The following TSNARE1 variants were observed in gnomAD, a reference collection of about 807,000 sequenced individuals.
The protein encoded by TSNARE1 is t-SNARE domain containing 1, also known as t-SNARE domain-containing protein 1.
TSNARE1 carries 49 observed loss-of-function variants against 62.0 expected under a neutral mutation model. The ratio of observed to expected loss-of-function variants is 0.79; its 90% CI spans 0.63 to 1.00. The LOEUF is 1.00. Ranked by LOEUF, TSNARE1 falls within the 50% of genes least tolerant of loss-of-function variation. The pLI is 0.00. For synonymous variants in TSNARE1, 328 were observed against 294.4 expected (o/e 1.11, Z -1.17); for missense variants, 755 against 700.1 (o/e 1.08, Z -0.88).
intron 13 of TSNARE1, among the ~76,000 whole-genome samples, chr8:142,225,663 C>T (rs1269183084): frequency 1.3e-5 from 2 of 152,208 alleles, no homozygotes; most frequent in Non-Finnish European, 2.9e-5. Context: ...CTGCCTAGGC[C>T]CATCTCCTCT....
Position 142,266,220 on chromosome 8 carries a change from G to A in TSNARE1, c.1446+8561C>T, listed in dbSNP as rs115043222. Among the ~76,000 whole-genome samples, 1,144 of 152,272 alleles carry A rather than the reference G, an allele frequency of 7.5e-3. 13 individuals are homozygous for A. Among genetic ancestry groups the A allele is most frequent in the African/African-American group, 0.026 (1,091 of 41,554 alleles). Reference sequence around the variant, plus strand: ...TCATTGTCCAGTAGTTCCATCCTTTGTAAAAAATCTATTCCACAAATTAGA... The same window carrying A: ...TCATTGTCCAGTAGTTCCATCCTTTATAAAAAATCTATTCCACAAATTAGA... On this transcript the variant is annotated intron_variant, in intron 12 of 13. Transcript: ENST00000524325.
chr8:142,362,801 G>T (rs748778355), intron 1 of TSNARE1, among the ~76,000 whole-genome samples: 21 of 152,194 alleles, frequency 1.4e-4, no homozygotes, highest in Non-Finnish European at 2.5e-4. Context: ...CCTCTAGCTG[G>T]ATCTCTCTCT....
At chr8:142,360,622 C>T (rs955283762) in intron 1 of TSNARE1, among the ~76,000 whole-genome samples, 2 of 152,044 alleles carry the variant, frequency 1.3e-5, no homozygotes, top group East Asian at 1.9e-4. Context: ...CTCCCCAGGG[C>T]CCCCGCCCCC....
intron 13 of TSNARE1, among the ~76,000 whole-genome samples, chr8:142,222,639 T>C (rs1472643318): frequency 1.2e-4 from 12 of 99,362 alleles, no homozygotes; most frequent in Admixed American, 2.1e-4. Context: ...CACTCACTCA[T>C]TCACTTACTC....
At chr8:142,370,849 A>T (rs1193001054) in intron 1 of TSNARE1, among the ~76,000 whole-genome samples, 1 of 99,388 alleles carries the variant, frequency 1.0e-5, no homozygotes, top group African/African-American at 4.0e-5. Context: ...AACAAAAAAC[A>T]AAAAAAAAAA....
intron 13 of TSNARE1, among the ~76,000 whole-genome samples, chr8:142,223,133 C>CTCACTCGT (rs1816531751): frequency 2.0e-5 from 3 of 147,798 alleles, no homozygotes; most frequent in East Asian, 4.1e-4. Flanking sequence ...CACTCATTCA[C>CTCACTCGT]TCATTCACTC....
chr8:142,374,780 G>C (rs1044471341), intron 1 of TSNARE1, among the ~76,000 whole-genome samples: 2 of 152,048 alleles, frequency 1.3e-5, no homozygotes, highest in African/African-American at 4.8e-5. Context: ...CTCTGAGAAG[G>C]CTCTGGAAAC....
chr8:142,268,330 G>A (rs1463486182), intron 12 of TSNARE1, among the ~76,000 whole-genome samples: 1 of 152,216 alleles, frequency 6.6e-6, no homozygotes, highest in East Asian at 1.9e-4. Context: ...CTGCCCCTAA[G>A]TTCTCGAGTC....
rs1197075361 is a variant in TSNARE1, at chr8:142,280,133, G to A, written c.1363+4280C>T. 1.1e-5 allele frequency: 12 copies of A among 1,103,260 alleles called. No homozygotes were observed. In the South Asian group the frequency reaches 1.4e-4, roughly 13 times the overall value. 68.3% of individuals were successfully genotyped at this position (1,103,260 alleles called of 1,614,324 possible). ...CCCCGCAGCGCCCCGAACAGCAGCG[G>A]GTAGTGGCGCCGCACCCTCTGCACC... On this transcript the variant is annotated intron_variant, in intron 11 of 13. Transcript: ENST00000524325.
intron 9 of TSNARE1, among the ~76,000 whole-genome samples, chr8:142,306,199 T>C (rs949467918): frequency 6.6e-6 from 1 of 151,896 alleles, no homozygotes; most frequent in African/African-American, 2.4e-5. Context: ...TGGCAATGCT[T>C]CCCCCAGCCC....
chr8:142,292,100 C>T (rs543740461), intron 10 of TSNARE1, among the ~76,000 whole-genome samples: 1 of 152,064 alleles, frequency 6.6e-6, no homozygotes, highest in Non-Finnish European at 1.5e-5. Flanking sequence ...CAGGAGGAAA[C>T]CAGGCCATGG....
At chr8:142,350,071 A>T (rs1186257999) in intron 2 of TSNARE1, among the ~76,000 whole-genome samples, 2 of 44,160 alleles carry the variant, frequency 4.5e-5, no homozygotes, top group African/African-American at 2.6e-4. Context: ...GGCTGGGACC[A>T]GGGCAGGCAG....
At chr8:142,224,790 T>C (rs1816696514) in intron 13 of TSNARE1, among the ~76,000 whole-genome samples, 1 of 152,030 alleles carries the variant, frequency 6.6e-6, no homozygotes, top group South Asian at 2.1e-4. Flanking sequence ...CTGAATGGGA[T>C]GTGTCCAGAC....
intron 13 of TSNARE1, among the ~76,000 whole-genome samples, chr8:142,224,881 G>A (rs1816701995): frequency 1.3e-5 from 2 of 152,168 alleles, no homozygotes; most frequent in Admixed American, 1.3e-4. Context: ...TGAGCCCGCG[G>A]GGAGTGGGGC....
At chr8:142,216,737 C>A (rs1586741306) in intron 13 of TSNARE1, among the ~76,000 whole-genome samples, 1 of 152,338 alleles carries the variant, frequency 6.6e-6, no homozygotes, top group Non-Finnish European at 1.5e-5. Context: ...AAGGATCAAC[C>A]CCTCTGAGCT....
chr8:142,259,688 G>A (rs915967566), intron 12 of TSNARE1, among the ~76,000 whole-genome samples: 1 of 152,166 alleles, frequency 6.6e-6, no homozygotes, highest in Non-Finnish European at 1.5e-5. Context: ...CCCACAAGCA[G>A]CCTCTTACAG....
chr8:142,294,535 G>A (rs1353502589), intron 10 of TSNARE1, among the ~76,000 whole-genome samples: 1 of 152,210 alleles, frequency 6.6e-6, no homozygotes, highest in African/African-American at 2.4e-5. Context: ...GCCCTGCTGT[G>A]TGGCCGTGGG....
intron 11 of TSNARE1, chr8:142,276,606 T>C (rs1820544952): frequency 1.0e-6 from 1 of 985,272 alleles, no homozygotes; most frequent in African/African-American, 1.7e-5. Context: ...CCATGTGCCC[T>C]GGCTGGACAC....
At chr8:142,327,208 C>T (rs562999052) in intron 6 of TSNARE1, among the ~76,000 whole-genome samples, 13 of 152,228 alleles carry the variant, frequency 8.5e-5, no homozygotes, top group Non-Finnish European at 1.2e-4. Context: ...ATGAAGTCAC[C>T]CAAATGCCCA....
Sources: allele counts gnomAD v4.1 joint callset (sites outside exome capture counted in the v4.1 genomes callset), GRCh38; gene constraint gnomAD v4.1.1; transcripts MANE v1.5; gene names NCBI Gene and HGNC (gene_info 2026-07-23, HGNC 2026-07-21).